The following PRMT8 variants were observed in gnomAD, a reference collection of about 807,000 sequenced individuals.
The protein encoded by PRMT8 is protein arginine N-methyltransferase 8.
A neutral mutation model predicts 47.1 loss-of-function variants in PRMT8; 7 were observed. That is an observed-to-expected ratio of 0.15 (90% CI 0.08 to 0.28). The LOEUF (loss-of-function observed/expected upper bound fraction) is 0.28, where lower values mean the gene tolerates loss of function less well. Among genes scored for constraint, PRMT8 ranks in the 10% least tolerant of loss-of-function variants. PRMT8 has a pLI of 1.00. For synonymous variants in PRMT8, 188 were observed against 186.5 expected (o/e 1.01, Z -0.07); for missense variants, 237 against 505.4 (o/e 0.47, Z 5.09).
intron 1 of PRMT8, among the ~76,000 whole-genome samples, chr12:3,506,294 G>A (rs1865623006): frequency 6.6e-6 from 1 of 152,226 alleles, no homozygotes; most frequent in South Asian, 2.1e-4. Context: ...ACTCAAGAAA[G>A]ATTAGCTTTA....
chr12:3,425,701 CT>C (rs769044381), intron 1 of PRMT8, among the ~76,000 whole-genome samples: 1 of 152,238 alleles, frequency 6.6e-6, no homozygotes, highest in Non-Finnish European at 1.5e-5. Context: ...CCAGCTGCAT[CT>C]AAATAGATGT....
At chr12:3,585,576 C>T (rs1258120088) in intron 8 of PRMT8, among the ~76,000 whole-genome samples, 1 of 151,052 alleles carries the variant, frequency 6.6e-6, no homozygotes, top group African/African-American at 2.4e-5. Flanking sequence ...CCTCATTGCC[C>T]AGGCTGGTCT....
At chr12:3,415,353 G>T (rs1864473396) in intron 1 of PRMT8, among the ~76,000 whole-genome samples, 1 of 152,118 alleles carries the variant, frequency 6.6e-6, no homozygotes, top group African/African-American at 2.4e-5. Context: ...CAATACATAG[G>T]CATGATTAAC....
chr12:3,488,376 A>C (rs1317384658), upstream of PRMT8, among the ~76,000 whole-genome samples: 1 of 152,182 alleles, frequency 6.6e-6, no homozygotes, highest in Non-Finnish European at 1.5e-5. Flanking sequence ...CTAGTATAAG[A>C]AAAATTACAT....
At chr12:3,477,648 G>A (rs372985522) in intron 1 of PRMT8, among the ~76,000 whole-genome samples, 2 of 152,126 alleles carry the variant, frequency 1.3e-5, no homozygotes, top group Non-Finnish European at 2.9e-5. Flanking sequence ...CGCCAAACTC[G>A]CCCTTCCTTG....
At chr12:3,478,473 T>C (rs1053388256) in intron 1 of PRMT8, among the ~76,000 whole-genome samples, 5 of 152,162 alleles carry the variant, frequency 3.3e-5, no homozygotes, top group African/African-American at 7.2e-5. Context: ...ACTGCTTCCT[T>C]GATAGTAAGG....
At chr12:3,441,239 C>T (rs1864798372) in intron 1 of PRMT8, among the ~76,000 whole-genome samples, 1 of 151,892 alleles carries the variant, frequency 6.6e-6, no homozygotes, top group African/African-American at 2.4e-5. Context: ...GTATTAAGAA[C>T]TTTTTTTTAC....
intron 1 of PRMT8, among the ~76,000 whole-genome samples, chr12:3,537,975 G>A (rs1017403913): frequency 1.3e-5 from 2 of 152,086 alleles, no homozygotes; most frequent in African/African-American, 4.8e-5. Flanking sequence ...GTTACAAACC[G>A]GCAATAGCTC....
intron 1 of PRMT8, among the ~76,000 whole-genome samples, chr12:3,396,544 A>G (rs1437828166): frequency 1.3e-5 from 2 of 152,008 alleles, no homozygotes; most frequent in Non-Finnish European, 2.9e-5. Flanking sequence ...ATTGGCCCTC[A>G]CTCTCTTCTG....
At chr12:3,391,926 G>C (rs1864196287) in intron 1 of PRMT8, among the ~76,000 whole-genome samples, 1 of 152,180 alleles carries the variant, frequency 6.6e-6, no homozygotes, top group Non-Finnish European at 1.5e-5. Context: ...AATGGAGCAG[G>C]TGCCTTTTAA....
chr12:3,553,139 T>C (rs1207688955), intron 3 of PRMT8: 1 of 190,322 alleles, frequency 5.3e-6, no homozygotes, highest in Non-Finnish European at 1.1e-5. Context: ...ACGTGGGGGG[T>C]GGGAGGGGAA....
intron 1 of PRMT8, among the ~76,000 whole-genome samples, chr12:3,447,260 A>G (rs1420324136): frequency 1.3e-5 from 2 of 152,192 alleles, no homozygotes; most frequent in Non-Finnish European, 1.5e-5. Flanking sequence ...TGAAGCAGCT[A>G]TTCTCTTCCA....
At chr12:3,498,074 C>T (rs1023997625) in intron 1 of PRMT8, among the ~76,000 whole-genome samples, 5 of 152,292 alleles carry the variant, frequency 3.3e-5, no homozygotes, top group Middle Eastern at 3.4e-3. Flanking sequence ...TGCATAAGGT[C>T]TAGGAATTGT....
chr12:3,448,186 G>A (rs1217737310), intron 1 of PRMT8, among the ~76,000 whole-genome samples: 1 of 152,062 alleles, frequency 6.6e-6, no homozygotes, highest in Non-Finnish European at 1.5e-5. Flanking sequence ...TAAATTTTTT[G>A]TAGAGGTGGG....
intron 1 of PRMT8, among the ~76,000 whole-genome samples, chr12:3,438,385 G>A (rs1351299170): frequency 1.3e-5 from 2 of 152,244 alleles, no homozygotes; most frequent in Non-Finnish European, 2.9e-5. Context: ...CTTAGGGCAC[G>A]TGGGGTCGGG....
chr12:3,537,551 A>G (rs1293423996), intron 1 of PRMT8, among the ~76,000 whole-genome samples: 2 of 152,078 alleles, frequency 1.3e-5, no homozygotes, highest in Non-Finnish European at 2.9e-5. Context: ...CTCTTATATG[A>G]CTCAATGACA....
Position 3,550,188 on chromosome 12 carries a change from A to C in PRMT8, c.417+97A>C. 6.6e-7 allele frequency: 1 copy of C among 1,507,352 alleles called. No homozygotes were observed. The highest frequency in any genetic ancestry group is 9.0e-7 in the Non-Finnish European group (1 of 1,105,600). 93.4% of individuals were successfully genotyped at this position (1,507,352 alleles called of 1,614,324 possible). ...CTTCTAGAAGTACAAAATTTGGTCC[A>C]TCTCTTTTGCTGGGGTCACACCTTC... On this transcript the variant is annotated intron_variant, in intron 3 of 9. Coordinates refer to ENST00000382622, the MANE Select transcript of PRMT8 (RefSeq NM_019854.5). The surrounding 1 kb of genome is among the most constrained non-coding windows in gnomAD (Gnocchi z 5.1).
At chr12:3,397,631 A>C (rs1241418933) in intron 1 of PRMT8, among the ~76,000 whole-genome samples, 1 of 151,980 alleles carries the variant, frequency 6.6e-6, no homozygotes, top group Non-Finnish European at 1.5e-5. Flanking sequence ...AGACAGGGAC[A>C]TTTAAGTCTG....
intron 1 of PRMT8, among the ~76,000 whole-genome samples, chr12:3,446,034 G>A (rs1000255033): frequency 6.6e-6 from 1 of 151,972 alleles, no homozygotes; most frequent in African/African-American, 2.4e-5. Flanking sequence ...AGTGGAGAGG[G>A]ACAGCCAAGG....
Sources: allele counts gnomAD v4.1 joint callset (sites outside exome capture counted in the v4.1 genomes callset), GRCh38; gene constraint gnomAD v4.1.1; non-coding constraint Gnocchi (gnomAD v3.1); transcripts MANE v1.5; gene names NCBI Gene and HGNC (gene_info 2026-07-23, HGNC 2026-07-21).